Variants in STIM1 observed in about 807,000 individuals in gnomAD.
STIM1 encodes stromal interaction molecule 1.
STIM1 carries 25 observed loss-of-function variants against 74.7 expected under a neutral mutation model. That is an observed-to-expected ratio of 0.33 (90% CI 0.24 to 0.47). STIM1 has a LOEUF of 0.47. Among genes scored for constraint, STIM1 ranks in the 20% least tolerant of loss-of-function variants. STIM1 has a pLI of 1.00. For missense variants in STIM1, 728 were observed against 920.8 expected (o/e 0.79, Z 2.71); for synonymous variants, 328 against 348.8 (o/e 0.94, Z 0.66).
chr11:4,038,813 C>G (rs562598850), intron 3 of STIM1, among the ~76,000 whole-genome samples: 2 of 152,210 alleles, frequency 1.3e-5, no homozygotes, highest in East Asian at 3.9e-4. Flanking sequence ...CCAGATCTGA[C>G]GAGGTCTTTG....
chr11:4,041,288 C>CT (rs1430190446), intron 3 of STIM1, among the ~76,000 whole-genome samples: 5 of 152,126 alleles, frequency 3.3e-5, no homozygotes, highest in African/African-American at 1.2e-4. Context: ...GAAGAGAGCC[C>CT]TTGAGGCTGG....
At chr11:4,051,971 CAGAG>C (rs1390228386) in intron 3 of STIM1, among the ~76,000 whole-genome samples, 6 of 152,278 alleles carry the variant, frequency 3.9e-5, no homozygotes, top group South Asian at 2.1e-4. Context: ...AACAGACAAA[CAGAG>C]AGCCAAATCA....
chr11:3,967,724 G>T (rs199521763), intron 2 of STIM1, 42 bp downstream of exon 2: 10 of 1,613,296 alleles, frequency 6.2e-6, no homozygotes, highest in Non-Finnish European at 8.5e-6. Flanking sequence ...TTCTTCCTGT[G>T]TGAATTAGTC....
chr11:3,865,182 G>T (rs2090806901), intron 1 of STIM1, among the ~76,000 whole-genome samples: 1 of 152,176 alleles, frequency 6.6e-6, no homozygotes, highest in African/African-American at 2.4e-5. Flanking sequence ...GGTGTTAGGT[G>T]CTAGGACTGA....
chr11:4,031,144 T>A (rs2094046679), intron 3 of STIM1, among the ~76,000 whole-genome samples: 2 of 152,204 alleles, frequency 1.3e-5, no homozygotes, highest in African/African-American at 4.8e-5. Context: ...AGTTATATAA[T>A]ATGTACTTTT....
intron 1 of STIM1, among the ~76,000 whole-genome samples, chr11:3,908,107 A>G (rs2135465750): frequency 6.6e-6 from 1 of 152,336 alleles, no homozygotes; most frequent in East Asian, 1.9e-4. Context: ...CCATAAGAGC[A>G]GGGGTTTTTG....
intron 1 of STIM1, among the ~76,000 whole-genome samples, chr11:3,860,057 G>A (rs770588963): frequency 2.0e-5 from 3 of 152,204 alleles, no homozygotes; most frequent in Non-Finnish European, 4.4e-5. Flanking sequence ...TTCCCTCATG[G>A]AAGTTACAGT....
chr11:4,035,266 G>GTT lies in STIM1; in HGVS notation c.385+11293_385+11294dup, dbSNP rs55788240. ...CATGTCCCAAATTCTGGTGTATTGT[G>GTT]TTTTTTTTTTTTTTTCCTCTTTTCC... On this transcript the variant is annotated intron_variant, in intron 3 of 12. Transcript: ENST00000526596. 1.4e-3 allele frequency among the ~76,000 whole-genome samples: 195 copies of GTT among 136,578 alleles called. 1 individual carries two copies. The highest frequency in any genetic ancestry group is 0.011 in the South Asian group (49 of 4,410). The allele number at this position is 136,578 out of a possible 152,430, so 89.6% of individuals were successfully genotyped here.
At chr11:3,971,128 C>T (rs1324605863) in intron 2 of STIM1, among the ~76,000 whole-genome samples, 1 of 151,834 alleles carries the variant, frequency 6.6e-6, no homozygotes, top group Non-Finnish European at 1.5e-5. Flanking sequence ...ATAATCCCAG[C>T]ACTTTGGGAG....
chr11:3,957,418 G>A (rs566697729), intron 1 of STIM1, among the ~76,000 whole-genome samples: 1 of 151,934 alleles, frequency 6.6e-6, no homozygotes, highest in South Asian at 2.1e-4. Context: ...CACCACGCCC[G>A]GCTAATTTTT....
chr11:3,904,187 ACT>A (rs2092417208), intron 1 of STIM1, among the ~76,000 whole-genome samples: 1 of 100,552 alleles, frequency 9.9e-6, no homozygotes, highest in African/African-American at 3.9e-5. Flanking sequence ...ACAGAGTGAG[ACT>A]CTGTCTCAAA....
chr11:3,882,432 A>G (rs1344867603), intron 1 of STIM1, among the ~76,000 whole-genome samples: 3 of 152,062 alleles, frequency 2.0e-5, no homozygotes, highest in African/African-American at 7.2e-5. Flanking sequence ...GTAATATTTC[A>G]TTGTATGTTT....
intron 2 of STIM1, among the ~76,000 whole-genome samples, chr11:3,980,754 A>G (rs979660394): frequency 1.3e-5 from 2 of 152,092 alleles, no homozygotes; most frequent in African/African-American, 4.8e-5. Flanking sequence ...GGGTTTCGGA[A>G]CCTCAGCATT....
chr11:3,916,638 G>A (rs2092648150), intron 1 of STIM1, among the ~76,000 whole-genome samples: 1 of 152,140 alleles, frequency 6.6e-6, no homozygotes, highest in Admixed American at 6.5e-5. Flanking sequence ...TTTTAGTAGA[G>A]ATGGGGTTTC....
chr11:3,996,643 C>T (rs901469547), intron 2 of STIM1, among the ~76,000 whole-genome samples: 4 of 152,134 alleles, frequency 2.6e-5, no homozygotes, highest in Admixed American at 6.5e-5. Context: ...GAGAACAGGT[C>T]TTGGTTTAAA....
intron 1 of STIM1, among the ~76,000 whole-genome samples, chr11:3,884,688 A>G (rs2091638197): frequency 1.3e-5 from 2 of 152,028 alleles, no homozygotes; most frequent in Non-Finnish European, 2.9e-5. Context: ...AGTAATAATT[A>G]GCAGTCCCCA....
intron 1 of STIM1, among the ~76,000 whole-genome samples, chr11:3,881,061 T>C (rs970757985): frequency 6.6e-6 from 1 of 151,216 alleles, no homozygotes; most frequent in Non-Finnish European, 1.5e-5. Context: ...GAGTTTTTCC[T>C]TTTAGAGTAT....
intron 3 of STIM1, among the ~76,000 whole-genome samples, chr11:4,025,694 A>G (rs929911663): frequency 3.9e-5 from 6 of 152,176 alleles, no homozygotes; most frequent in Admixed American, 2.0e-4. Context: ...TAGGAAAGGA[A>G]AGTGAGAGGG....
intron 1 of STIM1, among the ~76,000 whole-genome samples, chr11:3,875,538 C>A (rs1394481431): frequency 6.6e-6 from 1 of 151,912 alleles, no homozygotes; most frequent in Non-Finnish European, 1.5e-5. Flanking sequence ...CCAGCCTGGG[C>A]AACATGGTGA....
Sources: allele counts gnomAD v4.1 joint callset (sites outside exome capture counted in the v4.1 genomes callset), GRCh38; gene constraint gnomAD v4.1.1; transcripts MANE v1.5; gene names NCBI Gene and HGNC (gene_info 2026-07-23, HGNC 2026-07-21).